PPP2R2A: variants seen among roughly 807,000 people sequenced by gnomAD.
PPP2R2A encodes the protein serine/threonine-protein phosphatase 2A 55 kDa regulatory subunit B alpha isoform.
In PPP2R2A, 9 loss-of-function variants were observed where a neutral mutation model predicts 53.2. That is an observed-to-expected ratio of 0.17 (90% confidence interval 0.10 to 0.30). PPP2R2A has a LOEUF of 0.30. PPP2R2A is among the 10% of genes least tolerant of loss of function. The pLI, the probability that PPP2R2A is intolerant of heterozygous loss-of-function variation, is 1.00. For synonymous variants in PPP2R2A, 169 were observed against 174.2 expected (o/e 0.97, Z 0.23); for missense variants, 235 against 534.6 (o/e 0.44, Z 5.53).
At chr8:26,333,452 TA>T in intron 2 of PPP2R2A, 1 of 1,071,798 alleles carries the variant, frequency 9.3e-7, no homozygotes, top group Non-Finnish European at 1.2e-6. Flanking sequence ...AATACAGTTA[TA>T]ACCCTCTTTG....
intron 4 of PPP2R2A, among the ~76,000 whole-genome samples, chr8:26,358,407 T>C (rs1364802035): frequency 6.6e-6 from 1 of 152,166 alleles, no homozygotes; most frequent in Non-Finnish European, 1.5e-5. Context: ...CATATACATA[T>C]ATAAACTAAA....
intron 9 of PPP2R2A, among the ~76,000 whole-genome samples, chr8:26,369,040 A>G (rs555065591): frequency 3.3e-5 from 5 of 151,010 alleles, no homozygotes; most frequent in African/African-American, 9.7e-5. Flanking sequence ...CCCAGGAGGC[A>G]GAGCTTGCAG....
At position 26,371,183 on chromosome 8, in the gene PPP2R2A, G is replaced by A. The variant is rs183030341; in HGVS notation, c.*770G>A. 127 of 152,154 alleles carry A rather than the reference G, an allele frequency of 8.3e-4. No homozygotes were observed. Among genetic ancestry groups the A allele is most frequent in the African/African-American group, 3.0e-3 (123 of 41,504 alleles). 9.4% of individuals were successfully genotyped at this position (152,154 alleles called of 1,614,324 possible). On this transcript the variant is annotated 3_prime_UTR_variant, in exon 10 of 10. Coordinates refer to ENST00000380737, the MANE Select transcript of PPP2R2A (RefSeq NM_002717.4). ...CTACCTCTTGTAGCCAATATTTTGT[G>A]TCATACCTTTGGGCACAGTGAAACA... is the stretch of plus-strand genomic sequence containing the variant.
chr8:26,361,284 T>G (rs1805069572), intron 6 of PPP2R2A, 133 bp downstream of exon 6: 2 of 760,828 alleles, frequency 2.6e-6, no homozygotes, highest in South Asian at 6.8e-5. Flanking sequence ...CCTTATTTTT[T>G]TCTTTGTAGA....
chr8:26,314,919 CCTTTTTG>C (rs1802474118), intron 2 of PPP2R2A, among the ~76,000 whole-genome samples: 2 of 98,896 alleles, frequency 2.0e-5, no homozygotes, highest in Non-Finnish European at 3.9e-5. Context: ...TTTTCCATTT[CCTTTTTG>C]CTTTACATTC....
chr8:26,357,647 G>A (rs1210333035), intron 4 of PPP2R2A, among the ~76,000 whole-genome samples: 1 of 151,924 alleles, frequency 6.6e-6, no homozygotes, highest in African/African-American at 2.4e-5. Flanking sequence ...TCATAAATAG[G>A]GTGTGTCTTA....
intron 2 of PPP2R2A, among the ~76,000 whole-genome samples, chr8:26,326,693 A>G (rs1803104814): frequency 6.6e-6 from 1 of 152,220 alleles, no homozygotes; most frequent in Non-Finnish European, 1.5e-5. Context: ...TGTTTGTATA[A>G]TCTCCTTGAG....
intron 2 of PPP2R2A, among the ~76,000 whole-genome samples, chr8:26,298,943 T>G (rs983215113): frequency 6.6e-6 from 1 of 152,146 alleles, no homozygotes; most frequent in Non-Finnish European, 1.5e-5. Flanking sequence ...AAAATTCAAA[T>G]ACATGTGGAT....
At chr8:26,358,955 G>A (rs749515290) in intron 4 of PPP2R2A, 1 of 455,936 alleles carries the variant, frequency 2.2e-6, no homozygotes, top group South Asian at 1.5e-5. Context: ...ATATGGCAAG[G>A]GTGAAAGAGT....
At chr8:26,333,745 AG>A (rs1300207055) in intron 2 of PPP2R2A, among the ~76,000 whole-genome samples, 1 of 152,198 alleles carries the variant, frequency 6.6e-6, no homozygotes, top group Non-Finnish European at 1.5e-5. Context: ...ATAATACATA[AG>A]AAACAGAAGA....
chr8:26,292,058 G>A, intron 1 of PPP2R2A: 1 of 1,254,986 alleles, frequency 8.0e-7, no homozygotes, highest in East Asian at 3.5e-5. Context: ...GCGGGGGTGG[G>A]GGTGGGGTGT....
At chr8:26,314,900 C>T (rs990072039) in intron 2 of PPP2R2A, among the ~76,000 whole-genome samples, 1 of 147,222 alleles carries the variant, frequency 6.8e-6, no homozygotes, top group Non-Finnish European at 1.5e-5. Context: ...CCCCCCCCCC[C>T]CCCAACTATT....
At chr8:26,345,831 C>T (rs1804184275) in intron 3 of PPP2R2A, among the ~76,000 whole-genome samples, 2 of 152,094 alleles carry the variant, frequency 1.3e-5, no homozygotes, top group Admixed American at 6.5e-5. Context: ...GCATCTTGTT[C>T]TATGCCCTCT....
intron 3 of PPP2R2A, among the ~76,000 whole-genome samples, chr8:26,347,461 GAATA>G (rs1804280191): frequency 6.6e-6 from 1 of 151,034 alleles, no homozygotes; most frequent in Non-Finnish European, 1.5e-5. Flanking sequence ...GTAAAATGTA[GAATA>G]AATAAGCATT....
At chr8:26,315,554 T>C (rs377188548) in intron 2 of PPP2R2A, among the ~76,000 whole-genome samples, 1 of 152,216 alleles carries the variant, frequency 6.6e-6, no homozygotes, top group Non-Finnish European at 1.5e-5. Context: ...GGTAAATGTG[T>C]TCTCTATTTT....
chr8:26,357,254 CTG>C (rs1804832955), intron 4 of PPP2R2A, among the ~76,000 whole-genome samples: 2 of 144,426 alleles, frequency 1.4e-5, no homozygotes, highest in African/African-American at 2.6e-5. Context: ...GTATTTTTCT[CTG>C]TGAGTTTTTT....
intron 2 of PPP2R2A, among the ~76,000 whole-genome samples, chr8:26,294,962 G>A (rs1439745033): frequency 1.3e-5 from 2 of 152,164 alleles, no homozygotes; most frequent in Non-Finnish European, 2.9e-5. Flanking sequence ...GTAAATCAAG[G>A]TTTTCTGATG....
chr8:26,317,829 C>T lies in PPP2R2A; in HGVS notation c.83-21061C>T, dbSNP rs534849251. Among the ~76,000 whole-genome samples, 4 of 152,268 alleles carry T rather than the reference C, an allele frequency of 2.6e-5. No homozygotes were observed. The South Asian group carries it at 8.3e-4, about 32-fold the overall frequency. ...TCTGAAGTGGATAAGCTGGTTTTGC[C>T]AGAGATTACCCAGGATTGCAGGTTT... On this transcript the variant is annotated intron_variant, in intron 2 of 9. Transcript: ENST00000380737.
chr8:26,330,584 T>A (rs1803320185), intron 2 of PPP2R2A, among the ~76,000 whole-genome samples: 1 of 152,114 alleles, frequency 6.6e-6, no homozygotes, highest in Non-Finnish European at 1.5e-5. Flanking sequence ...CCCGCCTCAG[T>A]GCTGGGATTG....
Sources: allele counts gnomAD v4.1 joint callset (sites outside exome capture counted in the v4.1 genomes callset), GRCh38; gene constraint gnomAD v4.1.1; transcripts MANE v1.5; gene names NCBI Gene and HGNC (gene_info 2026-07-23, HGNC 2026-07-21).